Variants in FAAP20 observed in about 807,000 individuals in gnomAD.
The protein encoded by FAAP20 is FA core complex associated protein 20, also known as Fanconi anemia core complex-associated protein 20.
Under a neutral mutation model 16.2 loss-of-function variants are expected in FAAP20, and 12 were observed. That is an observed-to-expected ratio of 0.74 (90% CI 0.48 to 1.20). The LOEUF (loss-of-function observed/expected upper bound fraction) is 1.20. FAAP20 is among the 50% of genes most tolerant of loss of function. FAAP20 has a pLI of 0.00. For missense variants in FAAP20, 288 were observed against 245.8 expected (o/e 1.17, Z -1.15); for synonymous variants, 141 against 110.7 (o/e 1.27, Z -1.72).
intron 3 of FAAP20, chr1:2,190,635 C>T (rs1158749187): frequency 5.8e-6 from 2 of 347,232 alleles, no homozygotes; most frequent in African/African-American, 2.1e-5. Context: ...GCAGAGCTGC[C>T]GGGGACGATG....
At chr1:2,200,614 G>A (rs549663670), upstream of FAAP20, 5,298 of 983,734 alleles carry the variant, frequency 5.4e-3, 13 homozygotes, top group Non-Finnish European at 6.0e-3. Flanking sequence ...CATGTCACTC[G>A]TTTTAGGCTC....
chr1:2,211,435 ATTTTTTTTTTTT>A (rs1164460550), downstream of FAAP20, among the ~76,000 whole-genome samples: 3 of 8,552 alleles, frequency 3.5e-4, no homozygotes, highest in Admixed American at 2.9e-3. Flanking sequence ...ATATATATAT[ATTTTTTTTTTTT>A]TTTTTTTTTT....
downstream of FAAP20, among the ~76,000 whole-genome samples, chr1:2,211,590 G>A (rs1204993602): frequency 4.0e-5 from 6 of 150,072 alleles, no homozygotes; most frequent in South Asian, 2.1e-4. Flanking sequence ...TGGGACTACA[G>A]GCACCCGCCA....
chr1:2,205,062 A>C (rs1286290043), intron 3 of FAAP20, among the ~76,000 whole-genome samples: 1 of 25,536 alleles, frequency 3.9e-5, no homozygotes, highest in East Asian at 1.3e-3. Flanking sequence ...CCCCGTCCCC[A>C]AGCCCCGCCC....
downstream of FAAP20, chr1:2,186,241 G>A (rs569458888): frequency 8.4e-5 from 24 of 284,322 alleles, no homozygotes; most frequent in Admixed American, 6.9e-4. Flanking sequence ...CCCATTGTGC[G>A]GCTGGTGGCT....
upstream of FAAP20, among the ~76,000 whole-genome samples, chr1:2,195,821 C>T (rs1251410978): frequency 6.6e-6 from 1 of 152,236 alleles, no homozygotes; most frequent in Non-Finnish European, 1.5e-5. Context: ...GTCCCCCTCT[C>T]CCTGCATGAG....
At chr1:2,203,323 G>C, upstream of FAAP20, 1 of 744,346 alleles carries the variant, frequency 1.3e-6, no homozygotes. Context: ...TTCCCCCCAG[G>C]CTTCTCCATA....
upstream of FAAP20, chr1:2,199,522 C>T: frequency 3.0e-6 from 3 of 986,220 alleles, no homozygotes; most frequent in Non-Finnish European, 3.6e-6. The surrounding 1 kb of genome is among the most constrained non-coding windows in gnomAD (Gnocchi z 4.5). Context: ...CCCTGGGAAG[C>T]CTCTCAGAGT....
At chr1:2,187,593 C>T (rs1375651051), downstream of FAAP20, among the ~76,000 whole-genome samples, 4 of 152,184 alleles carry the variant, frequency 2.6e-5, no homozygotes, top group African/African-American at 4.8e-5. Context: ...CGTGAGCTAC[C>T]GCGCCCGGCC....
chr1:2,206,169 T>C (rs1279747413), intron 3 of FAAP20: 1 of 152,324 alleles, frequency 6.6e-6, no homozygotes, highest in African/African-American at 2.4e-5. Context: ...AATGGTCGAT[T>C]TCCCCCTTAA....
downstream of FAAP20, chr1:2,184,934 G>A: frequency 6.2e-7 from 1 of 1,613,888 alleles, no homozygotes; most frequent in Non-Finnish European, 8.5e-7. Context: ...ATGCCATAAA[G>A]AGGATCGACC....
At chr1:2,199,378 C>T (rs983483800), upstream of FAAP20, 2 of 1,022,490 alleles carry the variant, frequency 2.0e-6, no homozygotes, top group Non-Finnish European at 2.3e-6. This position sits in a 1 kb window ranked among gnomAD's most constrained non-coding sequence, Gnocchi z 4.5. Flanking sequence ...CGTCCCCCCG[C>T]CCGGAGAAGC....
upstream of FAAP20, chr1:2,203,691 C>T (rs893740808): frequency 7.2e-6 from 7 of 969,258 alleles, no homozygotes; most frequent in African/African-American, 1.1e-4. Context: ...TCTGAGTTGC[C>T]TCAAATCCCC....
At chr1:2,191,690 G>A (rs1244440712) in intron 3 of FAAP20, 5 of 304,664 alleles carry the variant, frequency 1.6e-5, no homozygotes, top group Admixed American at 6.5e-5. Context: ...GCAGTGAGCC[G>A]AGATCATGCC....
intron 3 of FAAP20, chr1:2,192,963 G>T: frequency 7.7e-7 from 1 of 1,304,022 alleles, no homozygotes; most frequent in Non-Finnish European, 1.0e-6. Flanking sequence ...GCATTCCCGA[G>T]CTGTTTTTGC....
At chr1:2,207,289 A>G (rs1460817590), downstream of FAAP20, among the ~76,000 whole-genome samples, 5 of 152,166 alleles carry the variant, frequency 3.3e-5, no homozygotes, top group Non-Finnish European at 7.4e-5. Flanking sequence ...TCAGAGGATG[A>G]ACCCCCACCC....
chr1:2,199,394 C>T, upstream of FAAP20: 2 of 1,022,540 alleles, frequency 2.0e-6, no homozygotes, highest in Non-Finnish European at 2.3e-6. This position sits in a 1 kb window ranked among gnomAD's most constrained non-coding sequence, Gnocchi z 4.5. Context: ...GAAGCTTCCC[C>T]AGCCCAGCCC....
At position 2,189,731 on chromosome 1, in the gene FAAP20, C is replaced by G; in HGVS notation, c.521G>C (p.Ser174Thr). Residue 174 changes from serine to threonine, a missense_variant, in exon 4 of 4, where the codon AGC becomes ACC. Physicochemically the swap from Ser to Thr is moderately conservative, Grantham distance 58. Transcript: ENST00000378546. ...CGCTCACCACGTCACGTCTTCTGTG[C>G]TTTCGGCCAAGCACTGGGCCAGGTG... ...DSHLAQCLAE[S>T]TEDVTW The G allele has an allele frequency of 6.2e-7, 1 of 1,611,042 alleles. No individual in the cohort carries two copies. The highest frequency in any genetic ancestry group is 8.5e-7 in the Non-Finnish European group (1 of 1,178,618).
chr1:2,211,414 TATATATATATATATA>T (rs1689435333), downstream of FAAP20, among the ~76,000 whole-genome samples: 1 of 21,562 alleles, frequency 4.6e-5, no homozygotes, highest in African/African-American at 2.8e-4. Context: ...TATATATATA[TATATATATATATATA>T]TATATATTTT....
Sources: allele counts gnomAD v4.1 joint callset (sites outside exome capture counted in the v4.1 genomes callset), GRCh38; gene constraint gnomAD v4.1.1; non-coding constraint Gnocchi (gnomAD v3.1); transcripts MANE v1.5; gene names NCBI Gene and HGNC (gene_info 2026-07-23, HGNC 2026-07-21).